The following DNAH8 variants were observed in gnomAD, a reference collection of about 807,000 sequenced individuals.
DNAH8 encodes the protein dynein axonemal heavy chain 8, also known as axonemal beta dynein heavy chain 8.
In DNAH8, 382 loss-of-function variants were observed where a neutral mutation model predicts 562.1. The observed-to-expected ratio is 0.68, with a 90% confidence interval of 0.63 to 0.74. The LOEUF is 0.74. Ranked by LOEUF, DNAH8 falls within the 30% of genes least tolerant of loss-of-function variation. The pLI is 0.00. For missense variants in DNAH8, 5,203 were observed against 5,620.4 expected (o/e 0.93, Z 2.37); for synonymous variants, 1,881 against 1,919.4 (o/e 0.98, Z 0.52).
At chr6:38,915,095 A>T (rs928047757) in intron 67 of DNAH8, 106 bp from the exon 68 acceptor site, 1 of 982,320 alleles carries the variant, frequency 1.0e-6, no homozygotes, top group Non-Finnish European at 1.5e-6. Context: ...GTTTGTTCTT[A>T]TTCGTGTTTT....
intron 79 of DNAH8, among the ~76,000 whole-genome samples, chr6:38,941,744 T>A (rs1045655787): frequency 6.6e-6 from 1 of 152,136 alleles, no homozygotes; most frequent in Admixed American, 6.5e-5. Context: ...TGGTATTGTA[T>A]GATGCTGAGC....
chr6:38,971,786 C>T (rs1181058678), intron 83 of DNAH8, 121 bp downstream of exon 83: 1 of 666,022 alleles, frequency 1.5e-6, no homozygotes, highest in African/African-American at 1.9e-5. Flanking sequence ...TTATCATTAC[C>T]TGTGAATTTT....
chr6:39,029,708 C>T (rs574529987), intron 92 of DNAH8, among the ~76,000 whole-genome samples: 3 of 152,202 alleles, frequency 2.0e-5, no homozygotes, highest in African/African-American at 2.4e-5. Context: ...GTTGGTTGGC[C>T]GGGGGCAGGC....
chr6:38,925,255 G>T (rs946930346), intron 73 of DNAH8, among the ~76,000 whole-genome samples: 2 of 151,254 alleles, frequency 1.3e-5, no homozygotes, highest in Non-Finnish European at 2.9e-5. Context: ...ATTTAACAAA[G>T]GTGGAGGCTG....
intron 21 of DNAH8, among the ~76,000 whole-genome samples, chr6:38,797,343 C>T (rs1770363397): frequency 6.6e-6 from 1 of 152,188 alleles, no homozygotes; most frequent in Admixed American, 6.5e-5. Flanking sequence ...AGCTGTGAAA[C>T]TCACTCATTT....
intron 32 of DNAH8, among the ~76,000 whole-genome samples, chr6:38,837,225 T>C (rs912468647): frequency 5.9e-5 from 9 of 152,194 alleles, no homozygotes; most frequent in Admixed American, 3.3e-4. Context: ...CAGATCTGTA[T>C]TTTTGTCTAA....
At chr6:38,803,409 C>A (rs1321233967) in intron 22 of DNAH8, 98 bp downstream of exon 22, 6 of 826,610 alleles carry the variant, frequency 7.3e-6, no homozygotes, top group South Asian at 4.3e-5. Flanking sequence ...CAGACCCTCC[C>A]TTCCCCAGAA....
At position 38,905,113 on chromosome 6, in the gene DNAH8, TACTCTG is replaced by T. The variant is rs1433000199; in HGVS notation, c.9195-1138_9195-1133del. On this transcript the variant is annotated intron_variant, in intron 62 of 92. Transcript: ENST00000327475. Reference sequence around the variant, plus strand: ...GAGACTGGCCAGTCAGTGAGAGGATTACTCTGACAGCATCAGGCCACTAGATCTTTC... The same window carrying T: ...GAGACTGGCCAGTCAGTGAGAGGATTACAGCATCAGGCCACTAGATCTTTC... 5.9e-5 allele frequency among the ~76,000 whole-genome samples: 9 copies of T among 152,284 alleles called. No homozygotes were observed. The East Asian group carries it at 1.7e-3, about 29-fold the overall frequency.
At chr6:38,753,441 AT>A (rs1765643118) in intron 9 of DNAH8, among the ~76,000 whole-genome samples, 1 of 152,222 alleles carries the variant, frequency 6.6e-6, no homozygotes, top group Non-Finnish European at 1.5e-5. Context: ...AATACACATA[AT>A]ACCTAAAGCC....
At chr6:38,897,032 T>C (rs973915301) in intron 60 of DNAH8, among the ~76,000 whole-genome samples, 1 of 152,086 alleles carries the variant, frequency 6.6e-6, no homozygotes, top group Admixed American at 6.6e-5. Flanking sequence ...GCCTGGCTAA[T>C]TTTTTGTATT....
intron 22 of DNAH8, among the ~76,000 whole-genome samples, chr6:38,804,139 GTTCTAATAGT>G (rs932150578): frequency 1.5e-4 from 23 of 152,136 alleles, no homozygotes; most frequent in African/African-American, 5.3e-4. Flanking sequence ...ATCTCAATAG[GTTCTAATAGT>G]TTCAGTTTTA....
At chr6:38,845,888 ATTATC>A (rs1443559781) in intron 36 of DNAH8, 115 bp downstream of exon 36, 1 of 866,060 alleles carries the variant, frequency 1.2e-6, no homozygotes, top group African/African-American at 1.7e-5. Context: ...TAAATTTGGT[ATTATC>A]TTGTCTGTTC....
chr6:39,008,998 T>G, intron 89 of DNAH8, 28 bp downstream of exon 89: 1 of 1,529,190 alleles, frequency 6.5e-7, no homozygotes, highest in East Asian at 2.3e-5. Flanking sequence ...CCCACTGGCA[T>G]ACAGGGCTAT....
At chr6:39,015,089 A>G (rs1217622433) in intron 91 of DNAH8, among the ~76,000 whole-genome samples, 1 of 152,138 alleles carries the variant, frequency 6.6e-6, no homozygotes, top group Non-Finnish European at 1.5e-5. Context: ...AGAGACAGGG[A>G]GCACTGGAGA....
At position 39,026,646 on chromosome 6, in the gene DNAH8, G is replaced by A. The variant is rs1192094812; in HGVS notation, c.13815G>A (p.Glu4605=). ...ATGAAGTTCTGAGACAGACCAAGGA[G>A]GAGATCACGTCACCCCCTGGGGTAG... ...IHNEVLRQTK[E]EITSPPGEGV... The change falls in exon 92 of 93, where the codon GAG becomes GAA. Residue 4605 remains glutamate, a synonymous_variant. Coordinates refer to ENST00000327475, the MANE Select transcript of DNAH8 (RefSeq NM_001206927.2). 24 of 1,613,510 alleles carry A rather than the reference G, an allele frequency of 1.5e-5. No individual in the cohort carries two copies. The East Asian group carries it at 5.1e-4, about 34-fold the overall frequency.
intron 88 of DNAH8, among the ~76,000 whole-genome samples, chr6:38,993,194 C>T (rs1157843812): frequency 6.6e-6 from 1 of 152,116 alleles, no homozygotes; most frequent in East Asian, 1.9e-4. Flanking sequence ...ACTCTGGTTC[C>T]CAGCAACTTC....
chr6:38,928,348 C>T (rs898189060), intron 74 of DNAH8, among the ~76,000 whole-genome samples: 2 of 152,020 alleles, frequency 1.3e-5, no homozygotes, highest in Admixed American at 6.6e-5. Flanking sequence ...TAGAATTTAC[C>T]CCTTGAGAAA....
In DNAH8 at chr6:38,941,341, C is replaced by T. The variant is rs558533346; in HGVS notation, c.12007+2353C>T. Among the ~76,000 whole-genome samples the T allele has an allele frequency of 7.9e-5, 12 of 152,320 alleles. 1 individual carries two copies. The highest frequency in any genetic ancestry group is 4.1e-4 in the South Asian group (2 of 4,828). On this transcript the variant is annotated intron_variant, in intron 79 of 92. Coordinates refer to ENST00000327475, the MANE Select transcript of DNAH8 (RefSeq NM_001206927.2). ...CCGATAACTTCTTACTCTTTCTCTA[C>T]TTCATTTAATTCCTTCCTCAGATTC...
intron 6 of DNAH8, 27 bp from the exon 7 acceptor site, chr6:38,737,782 A>T: frequency 8.4e-7 from 1 of 1,189,480 alleles, no homozygotes; most frequent in South Asian, 2.1e-5. Flanking sequence ...ATAAATTAGT[A>T]TTAAATGTCT....
Sources: gnomAD v4.1 joint callset for allele counts (sites outside exome capture counted in the v4.1 genomes callset) on GRCh38, gnomAD v4.1.1 for gene constraint, MANE v1.5 for transcripts, NCBI Gene and HGNC (gene_info 2026-07-23, HGNC 2026-07-21) for gene names.